The following CAMTA1 variants were observed in gnomAD, a reference collection of about 807,000 sequenced individuals.
CAMTA1 encodes calmodulin binding transcription activator 1.
In CAMTA1, 27 loss-of-function variants were observed where a neutral mutation model predicts 170.9. The ratio of observed to expected loss-of-function variants is 0.16; its 90% CI spans 0.12 to 0.22. CAMTA1 has a LOEUF of 0.22. CAMTA1 is among the 10% of genes least tolerant of loss of function. CAMTA1 has a pLI of 1.00. For synonymous variants in CAMTA1, 833 were observed against 891.5 expected, an observed-to-expected ratio of 0.93 and a Z score of 1.17; for missense variants, 1,619 against 2,217.2, an observed-to-expected ratio of 0.73 and a Z score of 5.42.
At chr1:7,753,740 T>C (rs1349024052) in intron 21 of CAMTA1, among the ~76,000 whole-genome samples, 1 of 152,128 alleles carries the variant, frequency 6.6e-6, no homozygotes, top group African/African-American at 2.4e-5. Context: ...AGATAGATGG[T>C]TTTCCCCAGC....
intron 2 of CAMTA1, among the ~76,000 whole-genome samples, chr1:6,823,876 G>C (rs973607891): frequency 6.6e-6 from 1 of 152,084 alleles, no homozygotes; most frequent in Non-Finnish European, 1.5e-5. Context: ...TAATTGTAAG[G>C]CCTATTAAGT....
intron 5 of CAMTA1, among the ~76,000 whole-genome samples, chr1:7,467,033 G>A (rs560228645): frequency 1.3e-5 from 2 of 152,180 alleles, no homozygotes; most frequent in African/African-American, 2.4e-5. Flanking sequence ...GAGAATCAGA[G>A]CAGGGCGGCC....
intron 7 of CAMTA1, among the ~76,000 whole-genome samples, chr1:7,648,541 A>G (rs987937498): frequency 3.3e-5 from 5 of 152,320 alleles, no homozygotes; most frequent in Non-Finnish European, 4.4e-5. Flanking sequence ...TCTGGCCAGC[A>G]GTGTTCACTT....
chr1:7,185,047 G>A (rs1652966581), intron 4 of CAMTA1, among the ~76,000 whole-genome samples: 1 of 152,206 alleles, frequency 6.6e-6, no homozygotes, highest in Non-Finnish European at 1.5e-5. Flanking sequence ...TGTATTATAA[G>A]TAATGGGAGC....
intron 5 of CAMTA1, among the ~76,000 whole-genome samples, chr1:7,269,692 G>T (rs1310391356): frequency 6.6e-6 from 1 of 152,182 alleles, no homozygotes; most frequent in Non-Finnish European, 1.5e-5. Flanking sequence ...AAGGTAGGGG[G>T]AAAAATAATA....
At chr1:7,747,566 C>T in intron 18 of CAMTA1, 144 bp from the exon 19 acceptor site, 2 of 546,852 alleles carry the variant, frequency 3.7e-6, no homozygotes, top group Admixed American at 3.6e-5. Flanking sequence ...TTCATTTTTC[C>T]TCATTTATAA....
intron 6 of CAMTA1, among the ~76,000 whole-genome samples, chr1:7,497,100 T>C (rs1017493416): frequency 3.9e-5 from 6 of 152,182 alleles, no homozygotes; most frequent in African/African-American, 7.2e-5. Flanking sequence ...TCACCCAAGA[T>C]AAGCAGAAAG....
intron 5 of CAMTA1, among the ~76,000 whole-genome samples, chr1:7,307,848 A>G (rs1422379235): frequency 6.6e-6 from 1 of 152,018 alleles, no homozygotes; most frequent in Non-Finnish European, 1.5e-5. Context: ...TGGTATCAAG[A>G]TGTTACTGAT....
intron 3 of CAMTA1, among the ~76,000 whole-genome samples, chr1:6,884,506 C>T (rs1303417249): frequency 6.6e-6 from 1 of 152,174 alleles, no homozygotes; most frequent in Non-Finnish European, 1.5e-5. Flanking sequence ...ATGTGAGCCT[C>T]TCATGAAAGC....
At chr1:7,051,259 A>G (rs1706302951) in intron 3 of CAMTA1, among the ~76,000 whole-genome samples, 1 of 152,204 alleles carries the variant, frequency 6.6e-6, no homozygotes, top group African/African-American at 2.4e-5. Context: ...TTCAGAACGC[A>G]GTGAGCTGTT....
chr1:7,460,750 T>C (rs768794111), intron 5 of CAMTA1, among the ~76,000 whole-genome samples: 83 of 152,158 alleles, frequency 5.5e-4, no homozygotes, highest in Non-Finnish European at 8.4e-4. Context: ...GGACACATTT[T>C]AAAAACTGTT....
Position 7,737,029 on chromosome 1 carries a change from A to G in CAMTA1, c.3342+20A>G. 2.5e-6 allele frequency: 4 copies of G among 1,574,862 alleles called. No individual in the cohort carries two copies. Among genetic ancestry groups the G allele is most frequent in the Non-Finnish European group, 3.5e-6 (4 of 1,145,688 alleles). On this transcript the variant is annotated intron_variant, in intron 14 of 22. Coordinates refer to ENST00000303635, the MANE Select transcript of CAMTA1 (RefSeq NM_015215.4). The stretch of plus-strand genomic sequence containing the variant: ...CCTCTGGTAAGGAATGGATTCCTGT[A>G]GCCCCCCCTTGCTGTTCTTCCAGTC...
chr1:6,834,550 C>A, intron 3 of CAMTA1: 1 of 233,364 alleles, frequency 4.3e-6, no homozygotes, highest in African/African-American at 2.3e-5. Context: ...GGTAGGCCTT[C>A]ACGCCACAGC....
At chr1:7,591,008 T>C (rs978063763) in intron 6 of CAMTA1, among the ~76,000 whole-genome samples, 2 of 152,238 alleles carry the variant, frequency 1.3e-5, no homozygotes, top group African/African-American at 4.8e-5. Context: ...TTATCAAGTG[T>C]GTGACCACAA....
chr1:7,670,280 C>T (rs1408786909), intron 9 of CAMTA1, among the ~76,000 whole-genome samples: 1 of 152,192 alleles, frequency 6.6e-6, no homozygotes, highest in African/African-American at 2.4e-5. Flanking sequence ...GAGCCCCAAA[C>T]TCAGCTCCCA....
chr1:7,187,701 C>A (rs1428288003), intron 4 of CAMTA1, among the ~76,000 whole-genome samples: 5 of 152,232 alleles, frequency 3.3e-5, no homozygotes. Flanking sequence ...TACTTCCTGG[C>A]ACCAACCTTC....
chr1:7,190,747 G>A (rs1054807682), intron 4 of CAMTA1, among the ~76,000 whole-genome samples: 1 of 152,200 alleles, frequency 6.6e-6, no homozygotes, highest in Non-Finnish European at 1.5e-5. Flanking sequence ...CATGTTTTAG[G>A]TGCACGTAAT....
intron 4 of CAMTA1, among the ~76,000 whole-genome samples, chr1:7,213,295 A>G (rs1440767106): frequency 6.6e-6 from 1 of 152,124 alleles, no homozygotes; most frequent in African/African-American, 2.4e-5. Flanking sequence ...TTTTTATTTT[A>G]GCTCCCCTGA....
chr1:7,190,737 CAT>C (rs1270460670), intron 4 of CAMTA1, among the ~76,000 whole-genome samples: 8 of 152,192 alleles, frequency 5.3e-5, no homozygotes, highest in South Asian at 2.1e-4. Flanking sequence ...TGGGGCCACA[CAT>C]GTTTTAGGTG....
Sources: allele counts gnomAD v4.1 joint callset (sites outside exome capture counted in the v4.1 genomes callset), GRCh38; gene constraint gnomAD v4.1.1; transcripts MANE v1.5; gene names NCBI Gene and HGNC (gene_info 2026-07-23, HGNC 2026-07-21).